The following RASEF variants were observed in gnomAD, a reference collection of about 807,000 sequenced individuals.
RASEF encodes the protein RAS and EF-hand domain containing.
In RASEF, 68 loss-of-function variants were observed where a neutral mutation model predicts 90.1. The ratio of observed to expected loss-of-function variants is 0.75; its 90% CI spans 0.62 to 0.92. The LOEUF is 0.92. RASEF is among the 40% of genes least tolerant of loss of function. The probability of loss-of-function intolerance (pLI) is 0.00; values close to 1 mark genes in which losing one functional copy is unlikely to be tolerated. For missense variants in RASEF, 949 were observed against 937.2 expected, an observed-to-expected ratio of 1.01 and a Z score of -0.16; for synonymous variants, 331 against 345.2, an observed-to-expected ratio of 0.96 and a Z score of 0.46.
At chr9:83,210,985 T>C in the RASEF span, among the ~76,000 whole-genome samples, 2 of 151,326 alleles carry the variant, frequency 1.3e-5, no homozygotes, top group Non-Finnish European at 3.0e-5. Flanking sequence ...AACAAGGACA[T>C]TATCTTTCAT....
chr9:83,144,391 G>GAAAGGAAAGAAAGAAAGAAAGAAAGAAA, the RASEF span, among the ~76,000 whole-genome samples: 54 of 33,044 alleles, frequency 1.6e-3, 2 homozygotes, highest in Admixed American at 2.6e-3. Flanking sequence ...AAGAAAGAAA[G>GAAAGGAAAGAAAGAAAGAAAGAAAGAAA]GAAAGAAAGA....
At chr9:82,990,251 C>T in intron 16 of RASEF, 140 bp downstream of exon 16, 1 of 573,354 alleles carries the variant, frequency 1.7e-6, no homozygotes, top group Non-Finnish European at 3.1e-6. Context: ...TTATAATATC[C>T]ACATATTTAT....
chr9:83,038,831 G>A (rs1256546181), intron 1 of RASEF, among the ~76,000 whole-genome samples: 1 of 152,096 alleles, frequency 6.6e-6, no homozygotes, highest in African/African-American at 2.4e-5. Flanking sequence ...AACAAGTCCT[G>A]GTTTAGGGAA....
chr9:83,041,844 T>C (rs76414954), intron 1 of RASEF, among the ~76,000 whole-genome samples: 4,442 of 152,340 alleles, frequency 0.029, 199 homozygotes, highest in African/African-American at 0.1. Context: ...GTCCTGCCAC[T>C]GGTCCACTTT....
the RASEF span, among the ~76,000 whole-genome samples, chr9:83,121,854 C>G: frequency 4.1e-4 from 62 of 152,274 alleles, no homozygotes; most frequent in South Asian, 3.3e-3. Context: ...ATCCCATTAT[C>G]TAGGTTCCCA....
chr9:83,082,238 C>T, the RASEF span, among the ~76,000 whole-genome samples: 2 of 152,174 alleles, frequency 1.3e-5, no homozygotes, highest in Non-Finnish European at 2.9e-5. Context: ...TTCACATCAA[C>T]GTAATTAGAG....
In RASEF at chr9:83,000,324, G is replaced by T; in HGVS notation, c.1576-8C>A. On this transcript the variant is annotated splice_polypyrimidine_tract_variant and splice_region_variant and intron_variant, in intron 11 of 16. Transcript: ENST00000376447. The stretch of plus-strand genomic sequence containing the variant: ...GTCATCTACCAGGTCTGTCTGGGGG[G>T]AAAAGCCACAGTGAATGATAACGGT... The T allele has an allele frequency of 1.2e-6, 2 of 1,612,532 alleles. No homozygotes were observed. Among genetic ancestry groups the T allele is most frequent in the East Asian group, 2.2e-5 (1 of 44,852 alleles).
At chr9:82,995,467 G>A (rs1430964259) in intron 14 of RASEF, among the ~76,000 whole-genome samples, 1 of 152,018 alleles carries the variant, frequency 6.6e-6, no homozygotes, top group Non-Finnish European at 1.5e-5. Context: ...TATTTGAGAT[G>A]GGGGTCTCGC....
intron 1 of RASEF, among the ~76,000 whole-genome samples, chr9:83,061,383 G>T (rs1830197445): frequency 6.6e-6 from 1 of 152,184 alleles, no homozygotes; most frequent in African/African-American, 2.4e-5. Context: ...CCTTTTCAAT[G>T]TTCTGTCTCA....
chr9:83,084,978 T>C, the RASEF span, among the ~76,000 whole-genome samples: 1 of 152,204 alleles, frequency 6.6e-6, no homozygotes, highest in Non-Finnish European at 1.5e-5. Context: ...TTGCTACACC[T>C]AGTTCAGGAA....
intron 1 of RASEF, among the ~76,000 whole-genome samples, chr9:83,044,997 C>T (rs1829903019): frequency 6.6e-6 from 1 of 152,204 alleles, no homozygotes. Context: ...TCAACCCCTC[C>T]CTGGGTCTCC....
At chr9:83,150,405 C>T in the RASEF span, among the ~76,000 whole-genome samples, 2 of 152,014 alleles carry the variant, frequency 1.3e-5, no homozygotes, top group South Asian at 2.1e-4. Flanking sequence ...TATGGGCCCA[C>T]GAAGACTCAT....
At chr9:83,101,665 G>A in the RASEF span, among the ~76,000 whole-genome samples, 4 of 152,114 alleles carry the variant, frequency 2.6e-5, no homozygotes, top group African/African-American at 7.2e-5. Context: ...GTTGATTCTC[G>A]TTATTCACTG....
chr9:83,012,433 C>T lies in RASEF; in HGVS notation c.843+1G>A. On this transcript the variant is annotated splice_donor_variant, in intron 5 of 16. Coordinates refer to ENST00000376447, the MANE Select transcript of RASEF (RefSeq NM_152573.4). LOFTEE classifies it high-confidence loss of function. ...TCTGTAAGTGAAAAGGTAATTCTTA[C>T]CATTGATAAATCATAAATTTGTTTT... 6.6e-7 allele frequency: 1 copy of T among 1,514,284 alleles called. No homozygotes were observed. Among genetic ancestry groups the T allele is most frequent in the Non-Finnish European group, 9.0e-7 (1 of 1,107,352 alleles). 93.8% of individuals were successfully genotyped at this position (1,514,284 alleles called of 1,614,324 possible).
the RASEF span, among the ~76,000 whole-genome samples, chr9:83,153,837 G>A: frequency 6.6e-6 from 1 of 152,228 alleles, no homozygotes; most frequent in African/African-American, 2.4e-5. Context: ...CCATATGATA[G>A]GCTCAAGTGT....
intron 3 of RASEF, 94 bp from the exon 4 acceptor site, chr9:83,015,994 G>A (rs1829336852): frequency 1.1e-6 from 1 of 908,086 alleles, no homozygotes; most frequent in African/African-American, 1.6e-5. Context: ...GTCAAATTAA[G>A]GCTGACTTCA....
the RASEF span, among the ~76,000 whole-genome samples, chr9:83,206,265 T>C: frequency 6.6e-6 from 1 of 152,274 alleles, no homozygotes; most frequent in Non-Finnish European, 1.5e-5. Flanking sequence ...TTTATATTCC[T>C]AATCTGGGTT....
the RASEF span, among the ~76,000 whole-genome samples, chr9:83,142,754 G>A: frequency 1.3e-5 from 2 of 151,996 alleles, no homozygotes; most frequent in Non-Finnish European, 2.9e-5. Context: ...AGAGAAATCA[G>A]GTATCTCTAT....
chr9:83,211,272 GT>G, the RASEF span, among the ~76,000 whole-genome samples: 178 of 151,328 alleles, frequency 1.2e-3, no homozygotes, highest in Middle Eastern at 6.8e-3. Context: ...TAGGTTATGG[GT>G]TTTTTTTTCT....
Sources: allele counts gnomAD v4.1 joint callset (sites outside exome capture counted in the v4.1 genomes callset), GRCh38; gene constraint gnomAD v4.1.1; transcripts MANE v1.5; gene names NCBI Gene and HGNC (gene_info 2026-07-23, HGNC 2026-07-21).